The following DISP1 variants were observed in gnomAD, a reference collection of about 807,000 sequenced individuals.
DISP1 encodes the protein protein dispatched homolog 1.
DISP1 carries 30 observed loss-of-function variants against 37.3 expected under a neutral mutation model. That is an observed-to-expected ratio of 0.80 (90% confidence interval 0.60 to 1.09). DISP1 has a LOEUF of 1.09. Among genes scored for constraint, DISP1 ranks in the 50% least tolerant of loss-of-function variants. DISP1 has a pLI of 0.00. For synonymous variants in DISP1, 634 were observed against 690.2 expected, an observed-to-expected ratio of 0.92 and a Z score of 1.28; for missense variants, 1,598 against 1,879.5, an observed-to-expected ratio of 0.85 and a Z score of 2.77.
At chr1:222,917,529 G>A (rs974195235) in intron 1 of DISP1, among the ~76,000 whole-genome samples, 4 of 152,194 alleles carry the variant, frequency 2.6e-5, no homozygotes, top group Non-Finnish European at 4.4e-5. Flanking sequence ...TTGAATCAGG[G>A]TAACATGGGG....
At chr1:222,984,413 A>ATATATAT (rs1409829092) in intron 4 of DISP1, among the ~76,000 whole-genome samples, 1 of 55,226 alleles carries the variant, frequency 1.8e-5, no homozygotes, top group African/African-American at 5.8e-5. Context: ...CAAAAAAAAA[A>ATATATAT]AAAAAAAAAT....
At chr1:222,936,517 T>C (rs1166433987) in intron 2 of DISP1, among the ~76,000 whole-genome samples, 2 of 139,166 alleles carry the variant, frequency 1.4e-5, no homozygotes, top group African/African-American at 5.3e-5. Context: ...CATTTCAGTA[T>C]GATGGAAATG....
intron 1 of DISP1, among the ~76,000 whole-genome samples, chr1:222,904,327 G>A (rs768020645): frequency 6.6e-6 from 1 of 151,990 alleles, no homozygotes; most frequent in Admixed American, 6.6e-5. Flanking sequence ...TTCAGTCTTC[G>A]CTATTACATC....
At chr1:222,841,530 TAGAC>T (rs1216260133) in intron 1 of DISP1, among the ~76,000 whole-genome samples, 1 of 152,190 alleles carries the variant, frequency 6.6e-6, no homozygotes, top group Non-Finnish European at 1.5e-5. Flanking sequence ...ACCACTACGC[TAGAC>T]AGACTCCTAT....
intron 1 of DISP1, among the ~76,000 whole-genome samples, chr1:222,886,714 G>A (rs1306860168): frequency 6.6e-6 from 1 of 152,238 alleles, no homozygotes; most frequent in Non-Finnish European, 1.5e-5. Flanking sequence ...TTGAAGAAGA[G>A]TGATTCAAGG....
chr1:222,842,284 A>G (rs1398710120), intron 1 of DISP1, among the ~76,000 whole-genome samples: 1 of 150,510 alleles, frequency 6.6e-6, no homozygotes, highest in Non-Finnish European at 1.5e-5. Flanking sequence ...AAATTCACGG[A>G]GGCATCTGTT....
chr1:222,887,368 T>A (rs1376514693), intron 1 of DISP1, among the ~76,000 whole-genome samples: 4 of 152,128 alleles, frequency 2.6e-5, no homozygotes, highest in Non-Finnish European at 5.9e-5. Flanking sequence ...GCAGTTGAGA[T>A]AAAGAAACTC....
chr1:222,836,780 C>T (rs1158162669), intron 1 of DISP1: 2 of 233,608 alleles, frequency 8.6e-6, no homozygotes. Context: ...CACACACACA[C>T]ACCTATTGTT....
chr1:222,876,036 G>A (rs1010949100), intron 1 of DISP1, among the ~76,000 whole-genome samples: 1 of 151,954 alleles, frequency 6.6e-6, no homozygotes, highest in African/African-American at 2.4e-5. Flanking sequence ...GTTGCTGAGG[G>A]AAACTTGATC....
chr1:222,965,211 G>T (rs1202407678), intron 3 of DISP1, among the ~76,000 whole-genome samples: 1 of 152,058 alleles, frequency 6.6e-6, no homozygotes, highest in Non-Finnish European at 1.5e-5. Context: ...GTGGCTTTGG[G>T]TGACTTCTTT....
intron 1 of DISP1, among the ~76,000 whole-genome samples, chr1:222,825,721 T>C (rs1168592195): frequency 6.6e-6 from 1 of 152,134 alleles, no homozygotes; most frequent in Non-Finnish European, 1.5e-5. Flanking sequence ...CAGGCTGGTC[T>C]CGAACTCCTG....
rs774748002 is a variant in DISP1 at position 223,004,438 on chromosome 1, T to C, written c.3041T>C (p.Ile1014Thr). 1.2e-6 allele frequency: 2 copies of C among 1,614,246 alleles called. No individual in the cohort carries two copies. Among genetic ancestry groups the C allele is most frequent in the South Asian group, 1.1e-5 (1 of 91,084 alleles). The change falls in exon 9 of 9, where the codon ATT becomes ACT. Residue 1014 changes from isoleucine to threonine, a missense_variant. By Grantham distance (89) the Ile-to-Thr change is moderately conservative. Coordinates refer to ENST00000675850, the MANE Select transcript of DISP1 (RefSeq NM_001377229.1). This position sits in a 1 kb window ranked among gnomAD's most constrained non-coding sequence, Gnocchi z 4.9. ...ATCATCATAAGCCTTTATGCCATCATTTCAATTGCTGGAACGATATTTGTC... is the reference window on the plus strand; with the variant it reads ...ATCATCATAAGCCTTTATGCCATCACTTCAATTGCTGGAACGATATTTGTC... ...WNIIISLYAI[I>T]SIAGTIFVTV... is the part of the protein sequence containing the mutation.
At chr1:222,868,275 A>G (rs1281304094) in intron 1 of DISP1, among the ~76,000 whole-genome samples, 5 of 152,178 alleles carry the variant, frequency 3.3e-5, no homozygotes, top group Non-Finnish European at 7.3e-5. Flanking sequence ...TAGTGATGAC[A>G]GAAGTGAAAA....
intron 1 of DISP1, among the ~76,000 whole-genome samples, chr1:222,892,179 GT>G (rs1471950645): frequency 6.6e-6 from 1 of 152,108 alleles, no homozygotes; most frequent in Non-Finnish European, 1.5e-5. Context: ...TTTCCTTCAC[GT>G]TTAGCAGTCA....
intron 1 of DISP1, among the ~76,000 whole-genome samples, chr1:222,839,805 C>T (rs373098680): frequency 3.9e-5 from 6 of 151,998 alleles, no homozygotes; most frequent in East Asian, 1.9e-4. Flanking sequence ...TGGTGGCATG[C>T]GCCTGTAGTC....
intron 2 of DISP1, among the ~76,000 whole-genome samples, chr1:222,941,347 A>G (rs1456610640): frequency 1.3e-5 from 2 of 152,218 alleles, no homozygotes; most frequent in Non-Finnish European, 2.9e-5. Flanking sequence ...AATCCCTCTC[A>G]ATGGTCATTG....
At position 222,925,777 on chromosome 1, in the gene DISP1, C is replaced by A. The variant is rs528787966; in HGVS notation, c.-158-2653C>A. ...GAAAAGCAAATTCTCAAGCCCTACCCCAGACCTTCAGAATCAGAATTCTGG... is the reference window on the plus strand; with the variant it reads ...GAAAAGCAAATTCTCAAGCCCTACCACAGACCTTCAGAATCAGAATTCTGG... On this transcript the variant is annotated intron_variant, in intron 1 of 8. Coordinates refer to ENST00000675850, the MANE Select transcript of DISP1 (RefSeq NM_001377229.1). Among the ~76,000 whole-genome samples the A allele has an allele frequency of 4.6e-5, 7 of 152,238 alleles. No homozygotes were observed. The East Asian group carries it at 1.2e-3, about 25-fold the overall frequency.
At chr1:222,957,745 C>A (rs1675719505) in intron 3 of DISP1, among the ~76,000 whole-genome samples, 1 of 152,206 alleles carries the variant, frequency 6.6e-6, no homozygotes, top group Admixed American at 6.5e-5. Flanking sequence ...GCCTCAAGAT[C>A]TCTCCCCTAT....
chr1:222,888,890 CTCTT>C (rs1670788872), intron 1 of DISP1, among the ~76,000 whole-genome samples: 2 of 151,798 alleles, frequency 1.3e-5, no homozygotes, highest in African/African-American at 4.8e-5. Flanking sequence ...TTACTTTTTT[CTCTT>C]TCTTCAAAAA....
Sources: allele counts gnomAD v4.1 joint callset (sites outside exome capture counted in the v4.1 genomes callset), GRCh38; gene constraint gnomAD v4.1.1; non-coding constraint Gnocchi (gnomAD v3.1); transcripts MANE v1.5; gene names NCBI Gene and HGNC (gene_info 2026-07-23, HGNC 2026-07-21).